Variants in PITPNB observed in about 807,000 individuals in gnomAD.
PITPNB encodes the protein phosphatidylinositol transfer protein beta isoform.
In PITPNB, 16 loss-of-function variants were observed where a neutral mutation model predicts 45.9. The observed-to-expected ratio is 0.35, with a 90% CI of 0.24 to 0.53. The LOEUF is 0.53. Among genes scored for constraint, PITPNB ranks in the 20% least tolerant of loss-of-function variants. The pLI, the probability that PITPNB is intolerant of heterozygous loss-of-function variation, is 0.93. For missense variants in PITPNB, 188 were observed against 330.5 expected (o/e 0.57, Z 3.34); for synonymous variants, 112 against 108.9 (o/e 1.03, Z -0.18).
chr22:27,887,546 A>G (rs1016077181), intron 7 of PITPNB, among the ~76,000 whole-genome samples: 23 of 151,960 alleles, frequency 1.5e-4, no homozygotes, highest in African/African-American at 5.3e-4. Flanking sequence ...TTCTGCTCCA[A>G]TATCCCCACC....
At chr22:27,860,057 G>C in intron 9 of PITPNB, 74 bp downstream of exon 9, 2 of 817,300 alleles carry the variant, frequency 2.4e-6, no homozygotes, top group Non-Finnish European at 4.2e-6. Flanking sequence ...AGTAATAACA[G>C]AGAAGATATC....
In PITPNB at chr22:27,854,923, G is replaced by A; in HGVS notation, c.785C>T (p.Ser262Phe). 1 of 1,613,322 alleles carries A rather than the reference G, an allele frequency of 6.2e-7. No homozygotes were observed. The highest frequency in any genetic ancestry group is 2.2e-5 in the East Asian group (1 of 44,858). ...ATCAGCAGCCGACGTGCCTCGAACG[G>A]AACCCCTCTTACGCATCTAAACGTA... is the stretch of plus-strand genomic sequence containing the variant. Reference protein sequence around the residue: ...KELETMRKRGSVRGTSAADV With the variant: ...KELETMRKRGFVRGTSAADV The change falls in exon 11 of 12, where the codon TCC becomes TTC. Residue 262 changes from serine to phenylalanine, a missense_variant. By Grantham distance (155) the Ser-to-Phe change is radical. Coordinates refer to ENST00000335272, the MANE Select transcript of PITPNB (RefSeq NM_012399.5).
chr22:27,858,348 G>A, intron 10 of PITPNB, 39 bp downstream of exon 10: 1 of 1,538,832 alleles, frequency 6.5e-7, no homozygotes, highest in South Asian at 1.2e-5. Flanking sequence ...TTTTAGAAAA[G>A]GGAAAATTAG....
chr22:27,894,190 T>C (rs1026231999), intron 7 of PITPNB: 1 of 162,938 alleles, frequency 6.1e-6, no homozygotes, highest in East Asian at 1.7e-4. Context: ...AATTAAATTT[T>C]TGCTTTCTTA....
chr22:27,876,641 C>G (rs1170477421), intron 7 of PITPNB, among the ~76,000 whole-genome samples: 1 of 152,094 alleles, frequency 6.6e-6, no homozygotes, highest in Non-Finnish European at 1.5e-5. Flanking sequence ...ATTTTTTGAA[C>G]AGTATTTTCT....
In PITPNB at chr22:27,852,399, CCTTTA is replaced by C. The variant is rs1397683331; in HGVS notation, c.*1298_*1302del. The stretch of plus-strand genomic sequence containing the variant: ...AAATCTTACCTAGCTATTGTTCCTT[CCTTTA>C]AATAAAAAATAAAATTAAATTAAAA... On this transcript the variant is annotated 3_prime_UTR_variant, in exon 12 of 12. Coordinates refer to ENST00000335272, the MANE Select transcript of PITPNB (RefSeq NM_012399.5). The C allele has an allele frequency of 6.6e-6, 1 of 152,176 alleles. No homozygotes were observed. Among genetic ancestry groups the C allele is most frequent in the Non-Finnish European group, 1.5e-5 (1 of 68,038 alleles). The allele number at this position is 152,176 out of a possible 1,614,324, so 9.4% of individuals were successfully genotyped here.
At chr22:27,882,365 C>A (rs529662095) in intron 7 of PITPNB, among the ~76,000 whole-genome samples, 1 of 152,116 alleles carries the variant, frequency 6.6e-6, no homozygotes, top group Non-Finnish European at 1.5e-5. Context: ...AAAAGCAAAT[C>A]ATTTATGTTC....
intron 3 of PITPNB, among the ~76,000 whole-genome samples, chr22:27,905,612 C>A (rs1935733339): frequency 6.6e-6 from 1 of 152,206 alleles, no homozygotes; most frequent in South Asian, 2.1e-4. Flanking sequence ...CTTGGAACCA[C>A]ATGAAATTTT....
chr22:27,864,946 CAAAAAAAA>C (rs1934442058), intron 8 of PITPNB, among the ~76,000 whole-genome samples: 1 of 140,814 alleles, frequency 7.1e-6, no homozygotes, highest in Non-Finnish European at 1.6e-5. Context: ...AAAAAACTCT[CAAAAAAAA>C]GAAAAAAAAA....
At chr22:27,899,583 A>G (rs1005147449) in intron 3 of PITPNB, among the ~76,000 whole-genome samples, 6 of 152,110 alleles carry the variant, frequency 3.9e-5, no homozygotes, top group South Asian at 2.1e-4. Flanking sequence ...TTGGCCTCCC[A>G]AAGTGCTGGT....
chr22:27,916,077 G>C (rs536428105), intron 1 of PITPNB, among the ~76,000 whole-genome samples: 71 of 152,314 alleles, frequency 4.7e-4, no homozygotes, highest in African/African-American at 1.7e-3. Context: ...AGAGAAAGAA[G>C]AGTTAGTCTT....
At chr22:27,915,743 C>T (rs1054024044) in intron 1 of PITPNB, among the ~76,000 whole-genome samples, 1 of 152,188 alleles carries the variant, frequency 6.6e-6, no homozygotes, top group Non-Finnish European at 1.5e-5. Context: ...TTTCTCTTCT[C>T]AGTATACACT....
In PITPNB at chr22:27,853,484, T is replaced by C. The variant is rs1934085514; in HGVS notation, c.*218A>G. 5.6e-6 allele frequency: 4 copies of C among 711,648 alleles called. No individual in the cohort carries two copies. The highest frequency in any genetic ancestry group is 2.2e-5 in the Admixed American group (1 of 46,002). The allele number at this position is 711,648 out of a possible 1,614,324, so 44.1% of individuals were successfully genotyped here. ...GATCTGTAGCTCTACATGCGCTTTATATACAGCTACAGACATATGCACACA... is the reference window on the plus strand; with the variant it reads ...GATCTGTAGCTCTACATGCGCTTTACATACAGCTACAGACATATGCACACA... On this transcript the variant is annotated 3_prime_UTR_variant, in exon 12 of 12. Transcript: ENST00000335272.
chr22:27,918,980 C>G, intron 1 of PITPNB, 192 bp downstream of exon 1: 4 of 794,086 alleles, frequency 5.0e-6, no homozygotes, highest in Non-Finnish European at 8.5e-6. Context: ...CGTGTTACCA[C>G]GGCAATGCCT....
intron 7 of PITPNB, among the ~76,000 whole-genome samples, chr22:27,893,162 A>T (rs1417773337): frequency 6.6e-6 from 1 of 152,238 alleles, no homozygotes; most frequent in Non-Finnish European, 1.5e-5. Context: ...AGATTAGAGG[A>T]AGAGGACCAG....
chr22:27,865,594 TC>T (rs554316154), intron 8 of PITPNB, among the ~76,000 whole-genome samples: 1 of 152,286 alleles, frequency 6.6e-6, no homozygotes, highest in African/African-American at 2.4e-5. Flanking sequence ...TGTTCTAGAA[TC>T]CACAGGACCC....
intron 7 of PITPNB, among the ~76,000 whole-genome samples, chr22:27,883,278 C>T (rs936550956): frequency 4.6e-5 from 7 of 152,214 alleles, no homozygotes; most frequent in Admixed American, 1.3e-4. Context: ...AGGAGCTCTG[C>T]ATTAGAGTCC....
chr22:27,914,043 T>C (rs1936008739), intron 2 of PITPNB, among the ~76,000 whole-genome samples: 2 of 152,236 alleles, frequency 1.3e-5, no homozygotes, highest in Admixed American at 6.5e-5. Flanking sequence ...GGAGCCTCAT[T>C]TCTCTGGGAT....
At chr22:27,907,599 C>A (rs1935801460) in intron 3 of PITPNB, among the ~76,000 whole-genome samples, 1 of 152,130 alleles carries the variant, frequency 6.6e-6, no homozygotes, top group Non-Finnish European at 1.5e-5. Flanking sequence ...TTTCCTGTCT[C>A]ATTCCTCTCT....
Sources: gnomAD v4.1 joint callset for allele counts (sites outside exome capture counted in the v4.1 genomes callset) on GRCh38, gnomAD v4.1.1 for gene constraint, MANE v1.5 for transcripts, NCBI Gene and HGNC (gene_info 2026-07-23, HGNC 2026-07-21) for gene names.